Variants in NR1H2 observed in about 807,000 individuals in gnomAD.
The protein encoded by NR1H2 is oxysterols receptor LXR-beta.
A neutral mutation model predicts 51.2 loss-of-function variants in NR1H2; 33 were observed. That is an observed-to-expected ratio of 0.64 (90% CI 0.49 to 0.86). The LOEUF (loss-of-function observed/expected upper bound fraction) is 0.86. NR1H2 is among the 40% of genes least tolerant of loss of function. The pLI is 0.00. For synonymous variants in NR1H2, 310 were observed against 264.3 expected, an observed-to-expected ratio of 1.17 and a Z score of -1.68; for missense variants, 592 against 639.9, an observed-to-expected ratio of 0.93 and a Z score of 0.81.
Position 50,382,095 on chromosome 19 carries a change from A to G in NR1H2, c.1157A>G (p.Gln386Arg), listed in dbSNP as rs1568596960. 3.2e-6 allele frequency: 5 copies of G among 1,548,708 alleles called. No homozygotes were observed. In the South Asian group the frequency reaches 3.6e-5, roughly 11 times the overall value. ...NIFSADRPNV[Q>R]EPGRVEALQQ... ...TTCTCGGCCGACCGGCCCAACGTGC[A>G]GGAGCCGGGCCGCGTGGAGGCGTTG... The change falls in exon 9 of 10, where the codon CAG becomes CGG. Residue 386 changes from glutamine (Q) to arginine (R), a missense_variant. Physicochemically the swap from Gln to Arg is conservative, Grantham distance 43. Around this residue, in one of 3 missense-constraint regions of NR1H2, gnomAD observed 174 missense variants for 174.0 expected, o/e 1.00. Transcript: ENST00000253727.
In NR1H2 at chr19:50,378,347, G is replaced by T. The variant is rs1305068809; in HGVS notation, c.380G>T (p.Gly127Val). The change falls in exon 5 of 10, where the codon GGT becomes GTT. Residue 127 changes from glycine to valine, a missense_variant. Physicochemically the swap from Gly to Val is moderately radical, Grantham distance 109 (BLOSUM62 -3). This residue lies in a region of NR1H2 where 316 missense variants were observed against 313.4 expected (regional missense o/e 1.01). Transcript: ENST00000253727. ...RGGARRYACR[G>V]GGTCQMDAFM... ...GGGGCCAGGCGCTATGCCTGCCGGG[G>T]TGGCGGAACCTGCCAGATGGACGCT... The T allele has an allele frequency of 6.2e-7, 1 of 1,612,272 alleles. No homozygotes were observed. Among genetic ancestry groups the T allele is most frequent in the South Asian group, 1.1e-5 (1 of 91,066 alleles).
rs769608116 is a variant in NR1H2 at position 50,378,746 on chromosome 19, G to A, written c.697G>A (p.Ala233Thr). The A allele has an allele frequency of 2.5e-6, 4 of 1,613,836 alleles. No homozygotes were observed. The highest frequency in any genetic ancestry group is 3.4e-6 in the Non-Finnish European group (4 of 1,180,030). Residue 233 changes from alanine to threonine, a missense_variant, in exon 6 of 10, where the codon GCC becomes ACC. Ala to Thr is a moderately conservative substitution (Grantham distance 58). Coordinates refer to ENST00000253727, the MANE Select transcript of NR1H2 (RefSeq NM_007121.7). ...QELMIQQLVA[A>T]QLQCNKRSFS... ...ACTAATGATCCAGCAGTTGGTGGCG[G>A]CCCAACTGCAGTGCAACAAACGCTC...
intron 9 of NR1H2, 106 bp downstream of exon 9, chr19:50,382,280 C>A: frequency 7.4e-7 from 1 of 1,347,948 alleles, no homozygotes; most frequent in Non-Finnish European, 9.9e-7. Context: ...TCCGCAGAGT[C>A]TTTCCTCAGG....
rs1371194145 is a variant in NR1H2 at position 50,378,553 on chromosome 19, G to A, written c.504G>A (p.Lys168=). The change falls in exon 6 of 10, where the codon AAG becomes AAA. Residue 168 remains lysine, a synonymous_variant. Transcript: ENST00000253727. ...TTTCTGAAGAACAGATCCGGAAGAA[G>A]AAGATTCGGAAACAGCAGCAGGAGT... ...CVLSEEQIRK[K]KIRKQQQESQ... The A allele has an allele frequency of 1.3e-6, 2 of 1,520,598 alleles. No homozygotes were observed. Among genetic ancestry groups the A allele is most frequent in the South Asian group, 1.1e-5 (1 of 87,804 alleles). The allele number at this position is 1,520,598 out of a possible 1,614,324, so 94.2% of individuals were successfully genotyped here. A position where few individuals can be genotyped will look rare whatever the true frequency, so the allele number is the denominator to read the frequency against.
intron 8 of NR1H2, among the ~76,000 whole-genome samples, chr19:50,380,595 C>T (rs550419098): frequency 6.4e-4 from 97 of 152,298 alleles, no homozygotes; most frequent in African/African-American, 2.3e-3. Flanking sequence ...CCTCTTACTC[C>T]GGCCCTTTCA....
At position 50,382,107 on chromosome 19, in the gene NR1H2, G is replaced by T; in HGVS notation, c.1169G>T (p.Arg390Leu). The change falls in exon 9 of 10, where the codon CGC (arginine) becomes CTC (leucine). Residue 390 changes from arginine (R) to leucine (L), a missense_variant. Physicochemically the swap from Arg to Leu is moderately radical, Grantham distance 102. Transcript: ENST00000253727. ...CGGCCCAACGTGCAGGAGCCGGGCC[G>T]CGTGGAGGCGTTGCAGCAGCCCTAC... is the stretch of plus-strand genomic sequence containing the variant. Reference protein sequence around the residue: ...ADRPNVQEPGRVEALQQPYVE... With the variant: ...ADRPNVQEPGLVEALQQPYVE... 1 of 1,546,438 alleles carries T rather than the reference G, an allele frequency of 6.5e-7. No individual in the cohort carries two copies.
chr19:50,378,779 G>T lies in NR1H2; in HGVS notation c.730G>T (p.Asp244Tyr). 6.2e-7 allele frequency: 1 copy of T among 1,613,540 alleles called. No individual in the cohort carries two copies. Among genetic ancestry groups the T allele is most frequent in the South Asian group, 1.1e-5 (1 of 91,052 alleles). The part of the protein sequence containing the change: ...QLQCNKRSFS[D>Y]QPKVTPWPLG... ...GCAGTGCAACAAACGCTCCTTCTCC[G>T]ACCAGCCCAAAGTCACGGTACTGCC... The change falls in exon 6 of 10, where the codon GAC becomes TAC. Residue 244 changes from aspartate (D) to tyrosine (Y), a missense_variant. This residue lies in a region of NR1H2 where 102 missense variants were observed against 152.4 expected (regional missense o/e 0.67). Transcript: ENST00000253727.
chr19:50,382,232 C>CACGT, intron 9 of NR1H2, 58 bp downstream of exon 9: 1 of 1,450,102 alleles, frequency 6.9e-7, no homozygotes, highest in South Asian at 1.4e-5. Flanking sequence ...CCACGTGGTC[C>CACGT]GTTCAGGCTG....
intron 7 of NR1H2, 82 bp from the exon 8 acceptor site, chr19:50,379,698 A>G (rs1165726053): frequency 1.2e-6 from 1 of 830,826 alleles, no homozygotes; most frequent in African/African-American, 1.7e-5. Context: ...GTGAGATTAG[A>G]CCCCCATTTG....
At chr19:50,379,623 C>T (rs992564791) in intron 7 of NR1H2, among the ~76,000 whole-genome samples, 157 bp from the exon 8 acceptor site, 9 of 152,092 alleles carry the variant, frequency 5.9e-5, no homozygotes, top group Admixed American at 4.6e-4. Flanking sequence ...CGGGCTGTCT[C>T]ACGTGATGGC....
chr19:50,377,565 C>G, intron 2 of NR1H2, 22 bp from the exon 3 acceptor site: 2 of 1,603,038 alleles, frequency 1.2e-6, no homozygotes, highest in Non-Finnish European at 1.7e-6. Flanking sequence ...CCACAAGGCT[C>G]TCAATCCCCT....
chr19:50,380,336 T>C (rs908153437), intron 8 of NR1H2, among the ~76,000 whole-genome samples: 3 of 152,112 alleles, frequency 2.0e-5, no homozygotes, highest in Admixed American at 6.5e-5. Context: ...CTCGGTCCAT[T>C]GTGAAGCGGG....
At position 50,378,595 on chromosome 19, in the gene NR1H2, G is replaced by A; in HGVS notation, c.546G>A (p.Gln182=). The A allele has an allele frequency of 6.2e-7, 1 of 1,614,036 alleles. No individual in the cohort carries two copies. Among genetic ancestry groups the A allele is most frequent in the Non-Finnish European group, 8.5e-7 (1 of 1,179,950 alleles). The stretch of plus-strand genomic sequence containing the variant: ...AGCAGGAGTCACAGTCACAGTCGCA[G>A]TCACCTGTGGGGCCGCAGGGCAGCA... The part of the protein sequence containing the change: ...KQQQESQSQS[Q]SPVGPQGSSS... Residue 182 remains glutamine, a synonymous_variant, in exon 6 of 10, where the codon CAG becomes CAA. Coordinates refer to ENST00000253727, the MANE Select transcript of NR1H2 (RefSeq NM_007121.7).
chr19:50,376,655 CT>C (rs1267133882), intron 1 of NR1H2, 63 bp from the exon 2 acceptor site: 1 of 152,356 alleles, frequency 6.6e-6, no homozygotes, highest in African/African-American at 2.4e-5. Flanking sequence ...GTACTCCGCT[CT>C]GCCCCCTTCT....
At chr19:50,380,929 C>T (rs1263368746) in intron 8 of NR1H2, among the ~76,000 whole-genome samples, 1 of 152,212 alleles carries the variant, frequency 6.6e-6, no homozygotes, top group Non-Finnish European at 1.5e-5. Context: ...GTCCTGTCAG[C>T]ACTTAAGGCT....
chr19:50,382,352 C>A, intron 9 of NR1H2, 104 bp from the exon 10 acceptor site: 1 of 1,449,708 alleles, frequency 6.9e-7, no homozygotes, highest in Non-Finnish European at 9.2e-7. Context: ...CCCACGCTGG[C>A]TCCCACGCCT....
intron 2 of NR1H2, 54 bp from the exon 3 acceptor site, chr19:50,377,533 C>G: frequency 7.0e-7 from 1 of 1,432,714 alleles, no homozygotes. Context: ...CTGTAACTGA[C>G]CTAACCTAAC....
chr19:50,378,023 A>G (rs889165936), intron 4 of NR1H2, 126 bp from the exon 5 acceptor site: 19 of 1,410,448 alleles, frequency 1.3e-5, no homozygotes, highest in Non-Finnish European at 1.7e-5. Context: ...ATTTCCCTGA[A>G]TGTGAGCAGC....
chr19:50,380,209 A>C (rs1000609313), intron 8 of NR1H2, among the ~76,000 whole-genome samples: 10 of 152,174 alleles, frequency 6.6e-5, no homozygotes, highest in African/African-American at 2.2e-4. Context: ...ATTGGGTTGC[A>C]GTGGAAGTTG....
Sources: allele counts gnomAD v4.1 joint callset (sites outside exome capture counted in the v4.1 genomes callset), GRCh38; gene constraint gnomAD v4.1.1; regional missense constraint gnomAD v4.1.1; transcripts MANE v1.5; gene names NCBI Gene and HGNC (gene_info 2026-07-23, HGNC 2026-07-21).